The following MCF2L2 variants were observed in gnomAD, a reference collection of about 807,000 sequenced individuals.
MCF2L2 encodes MCF.2 cell line derived transforming sequence-like 2, also known as probable guanine nucleotide exchange factor MCF2L2.
A neutral mutation model predicts 150.2 loss-of-function variants in MCF2L2; 102 were observed. The observed-to-expected ratio is 0.68, with a 90% CI of 0.58 to 0.80. The LOEUF (loss-of-function observed/expected upper bound fraction) is 0.80, where lower values mean the gene tolerates loss of function less well. MCF2L2 is among the 30% of genes least tolerant of loss of function. The pLI is 0.00. For synonymous variants in MCF2L2, 465 were observed against 491.3 expected, an observed-to-expected ratio of 0.95 and a Z score of 0.71; for missense variants, 1,256 against 1,372.8, an observed-to-expected ratio of 0.91 and a Z score of 1.34.
chr3:183,367,112 T>G (rs1712582402), intron 3 of MCF2L2, among the ~76,000 whole-genome samples: 1 of 152,190 alleles, frequency 6.6e-6, no homozygotes, highest in Non-Finnish European at 1.5e-5. Flanking sequence ...TGATACAGGT[T>G]TAATGACACA....
intron 1 of MCF2L2, among the ~76,000 whole-genome samples, chr3:183,402,451 C>CAAAAAAATAAAAAAAAAAAAAA (rs1714813623): frequency 1.8e-5 from 1 of 54,762 alleles, no homozygotes; most frequent in Non-Finnish European, 4.3e-5. Context: ...GAGACTCCAT[C>CAAAAAAATAAAAAAAAAAAAAA]AAAAAAAAAA....
intron 15 of MCF2L2, among the ~76,000 whole-genome samples, chr3:183,260,973 T>G (rs1024860450): frequency 1.3e-5 from 2 of 152,208 alleles, no homozygotes; most frequent in African/African-American, 4.8e-5. Context: ...ACAAAAACAC[T>G]TGAAGACAGC....
At chr3:183,290,346 A>AAGCCCTGGTT (rs202020793) in intron 13 of MCF2L2, among the ~76,000 whole-genome samples, 3,042 of 152,242 alleles carry the variant, frequency 0.02, 60 homozygotes, top group East Asian at 0.051. Context: ...TTGAGAGGAG[A>AAGCCCTGGTT]AGGCCTCAAG....
At chr3:183,257,638 G>A (rs1725163662) in intron 15 of MCF2L2, among the ~76,000 whole-genome samples, 1 of 152,058 alleles carries the variant, frequency 6.6e-6, no homozygotes, top group Admixed American at 6.6e-5. Context: ...TTGTACCTCT[G>A]TGTTATAAAC....
chr3:183,208,793 T>A (rs1306933465), intron 22 of MCF2L2, among the ~76,000 whole-genome samples: 1 of 152,216 alleles, frequency 6.6e-6, no homozygotes, highest in African/African-American at 2.4e-5. Context: ...TGTACTTCAT[T>A]CATAATTGAT....
At chr3:183,274,858 C>CA (rs1486854412) in intron 15 of MCF2L2, among the ~76,000 whole-genome samples, 2 of 152,206 alleles carry the variant, frequency 1.3e-5, no homozygotes, top group African/African-American at 4.8e-5. Context: ...TATTCCTTTA[C>CA]TCCAGACCTC....
At chr3:183,185,139 C>T (rs1014753853) in intron 27 of MCF2L2, among the ~76,000 whole-genome samples, 1 of 152,184 alleles carries the variant, frequency 6.6e-6, no homozygotes, top group Non-Finnish European at 1.5e-5. Context: ...AGGATGGTCT[C>T]GATCTCCTGA....
chr3:183,335,158 T>A (rs543002727), intron 5 of MCF2L2, among the ~76,000 whole-genome samples: 1 of 151,504 alleles, frequency 6.6e-6, no homozygotes, highest in Non-Finnish European at 1.5e-5. Flanking sequence ...AGAAAGGCTA[T>A]GAAAATGTTT....
intron 15 of MCF2L2, among the ~76,000 whole-genome samples, chr3:183,252,909 T>A (rs1044043999): frequency 1.3e-5 from 2 of 152,174 alleles, no homozygotes; most frequent in African/African-American, 4.8e-5. Context: ...TCATTTATAA[T>A]CTCTCTCGTT....
intron 15 of MCF2L2, among the ~76,000 whole-genome samples, chr3:183,274,420 T>G (rs896686371): frequency 6.6e-6 from 1 of 152,226 alleles, no homozygotes; most frequent in Non-Finnish European, 1.5e-5. Context: ...AGGAATGCCC[T>G]TACACCTACT....
chr3:183,274,789 C>T (rs1727062726), intron 15 of MCF2L2, among the ~76,000 whole-genome samples: 1 of 152,172 alleles, frequency 6.6e-6, no homozygotes, highest in Non-Finnish European at 1.5e-5. Context: ...GTCAGTTTTC[C>T]TTCCGATCAC....
chr3:183,184,538 TTC>T (rs1206483383), intron 27 of MCF2L2, among the ~76,000 whole-genome samples: 1 of 152,224 alleles, frequency 6.6e-6, no homozygotes, highest in East Asian at 1.9e-4. Flanking sequence ...GGTGAGAGTA[TTC>T]TCTTTTGAAA....
chr3:183,206,112 T>G lies in MCF2L2; in HGVS notation c.2805+10A>C. On this transcript the variant is annotated intron_variant, in intron 24 of 29. Coordinates refer to ENST00000328913, the MANE Select transcript of MCF2L2 (RefSeq NM_015078.4). Reference sequence around the variant, plus strand: ...GTAGAGGAGACCCATGGGGAAGGCATGAGCGTTACCTGCAGGATGTATTTC... The same window carrying G: ...GTAGAGGAGACCCATGGGGAAGGCAGGAGCGTTACCTGCAGGATGTATTTC... 1 of 1,612,842 alleles carries G rather than the reference T, an allele frequency of 6.2e-7. No homozygotes were observed. Among genetic ancestry groups the G allele is most frequent in the Non-Finnish European group, 8.5e-7 (1 of 1,178,844 alleles).
chr3:183,250,581 C>T (rs906675064), intron 15 of MCF2L2, among the ~76,000 whole-genome samples: 4 of 146,776 alleles, frequency 2.7e-5, no homozygotes, highest in South Asian at 2.2e-4. Flanking sequence ...AGCGATACTT[C>T]GTTTCAAAAA....
chr3:183,230,866 T>C, intron 16 of MCF2L2, 85 bp downstream of exon 16: 1 of 1,027,972 alleles, frequency 9.7e-7, no homozygotes, highest in South Asian at 1.4e-5. Context: ...TGGAGACTTC[T>C]GGCAACTATT....
intron 1 of MCF2L2, among the ~76,000 whole-genome samples, chr3:183,391,262 TTTTTTTG>T (rs1714129156): frequency 1.0e-5 from 1 of 96,124 alleles, no homozygotes; most frequent in African/African-American, 6.3e-5. Context: ...TCTAAAAGCC[TTTTTTTG>T]TTTTTTTCTG....
intron 1 of MCF2L2, among the ~76,000 whole-genome samples, chr3:183,393,755 C>A (rs1156787344): frequency 6.6e-6 from 1 of 152,226 alleles, no homozygotes; most frequent in Non-Finnish European, 1.5e-5. Flanking sequence ...CCACTGCAGG[C>A]AGCAAGCAAT....
intron 2 of MCF2L2, among the ~76,000 whole-genome samples, chr3:183,380,504 C>A (rs961130126): frequency 5.3e-5 from 8 of 152,144 alleles, no homozygotes; most frequent in Non-Finnish European, 1.0e-4. Flanking sequence ...CAGGTTCAAG[C>A]GATTCTCCTG....
intron 15 of MCF2L2, among the ~76,000 whole-genome samples, chr3:183,251,288 G>A: frequency 6.6e-6 from 1 of 152,196 alleles, no homozygotes; most frequent in East Asian, 1.9e-4. Flanking sequence ...AAGCCACTCG[G>A]TTATCAGACC....
Sources: allele counts gnomAD v4.1 joint callset (sites outside exome capture counted in the v4.1 genomes callset), GRCh38; gene constraint gnomAD v4.1.1; transcripts MANE v1.5; gene names NCBI Gene and HGNC (gene_info 2026-07-23, HGNC 2026-07-21).